The following OCA2 variants were observed in gnomAD, a reference collection of about 807,000 sequenced individuals.
OCA2 encodes the protein OCA2 melanosomal transmembrane protein, also known as P protein.
OCA2 carries 77 observed loss-of-function variants against 100.2 expected under a neutral mutation model. The ratio of observed to expected loss-of-function variants is 0.77; its 90% CI spans 0.64 to 0.93. The LOEUF (loss-of-function observed/expected upper bound fraction) is 0.93, where lower values mean the gene tolerates loss of function less well. Among genes scored for constraint, OCA2 ranks in the 40% least tolerant of loss-of-function variants. The pLI is 0.00. For synonymous variants in OCA2, 432 were observed against 439.2 expected (o/e 0.98, Z 0.21); for missense variants, 1,062 against 1,089.1 (o/e 0.98, Z 0.35).
intron 21 of OCA2, among the ~76,000 whole-genome samples, chr15:27,868,381 C>T (rs2036408659): frequency 1.3e-5 from 2 of 152,092 alleles, no homozygotes; most frequent in Non-Finnish European, 1.5e-5. Flanking sequence ...AAAGGTGATT[C>T]GGACTTAAAA....
At chr15:27,955,245 TC>T (rs761894559) in intron 16 of OCA2, 30 bp from the exon 17 acceptor site, 2 of 1,539,098 alleles carry the variant, frequency 1.3e-6, no homozygotes, top group African/African-American at 2.7e-5. Flanking sequence ...ACTCATTACT[TC>T]CCTGGTCACG....
At chr15:27,902,513 T>G (rs1289785034) in intron 19 of OCA2, among the ~76,000 whole-genome samples, 2 of 152,228 alleles carry the variant, frequency 1.3e-5, no homozygotes, top group Non-Finnish European at 2.9e-5. Context: ...TTCAGTTAAC[T>G]TAAAAATAAA....
At chr15:27,913,192 TAA>T (rs2038462556) in intron 19 of OCA2, among the ~76,000 whole-genome samples, 1 of 152,200 alleles carries the variant, frequency 6.6e-6, no homozygotes, top group Admixed American at 6.5e-5. Context: ...GTAGTTTTAG[TAA>T]TATTCTACTA....
At chr15:27,940,168 A>G (rs551831138) in intron 18 of OCA2, among the ~76,000 whole-genome samples, 58 of 152,206 alleles carry the variant, frequency 3.8e-4, no homozygotes, top group African/African-American at 1.3e-3. Context: ...GATTTTAGTC[A>G]CCCCCACTGG....
intron 23 of OCA2, among the ~76,000 whole-genome samples, chr15:27,820,153 A>C (rs979355859): frequency 6.6e-6 from 1 of 152,240 alleles, no homozygotes; most frequent in East Asian, 1.9e-4. Flanking sequence ...TGACTGAATA[A>C]GTAAATGATT....
intron 23 of OCA2, among the ~76,000 whole-genome samples, chr15:27,819,625 G>A (rs191455044): frequency 6.6e-6 from 1 of 152,306 alleles, no homozygotes; most frequent in African/African-American, 2.4e-5. Flanking sequence ...AGGGGTGGAG[G>A]CTAGAATTAT....
intron 23 of OCA2, chr15:27,776,617 C>G (rs80088104): frequency 0.021 from 3,220 of 152,442 alleles, 68 homozygotes; most frequent in Non-Finnish European, 0.035. Flanking sequence ...GCTGAGGCAC[C>G]TGTCCTCTGA....
intron 17 of OCA2, among the ~76,000 whole-genome samples, chr15:27,954,341 G>A (rs759571564): frequency 6.6e-6 from 1 of 152,172 alleles, no homozygotes; most frequent in Non-Finnish European, 1.5e-5. Flanking sequence ...CTTGGGGCCT[G>A]CAAGAGTATC....
chr15:28,071,912 T>C (rs1222162004), intron 2 of OCA2, among the ~76,000 whole-genome samples: 1 of 152,178 alleles, frequency 6.6e-6, no homozygotes, highest in Non-Finnish European at 1.5e-5. Context: ...AATTGACAAG[T>C]GGGACCTAAT....
chr15:27,792,787 A>G (rs538058295), intron 23 of OCA2, among the ~76,000 whole-genome samples: 10 of 152,202 alleles, frequency 6.6e-5, no homozygotes, highest in Non-Finnish European at 1.2e-4. Context: ...TCTGAGTCCC[A>G]TGGCCCAATA....
At chr15:27,784,051 A>G (rs1192672042) in intron 23 of OCA2, among the ~76,000 whole-genome samples, 1 of 152,252 alleles carries the variant, frequency 6.6e-6, no homozygotes. Context: ...TAAGGCTGAA[A>G]GTTAACCAGA....
At chr15:28,097,069 C>T (rs2044999233) in intron 1 of OCA2, among the ~76,000 whole-genome samples, 1 of 152,224 alleles carries the variant, frequency 6.6e-6, no homozygotes, top group South Asian at 2.1e-4. Flanking sequence ...GCCCATCCTG[C>T]AGGCCAGCTT....
the OCA2 span, among the ~76,000 whole-genome samples, chr15:27,743,488 T>C: frequency 3.0e-3 from 452 of 152,242 alleles, 4 homozygotes; most frequent in African/African-American, 0.01. Context: ...AGCCTTCTGG[T>C]GGAATTTTGC....
At chr15:27,815,985 T>C (rs1358345708) in intron 23 of OCA2, among the ~76,000 whole-genome samples, 1 of 151,922 alleles carries the variant, frequency 6.6e-6, no homozygotes, top group East Asian at 1.9e-4. Context: ...TACAAAAAAA[T>C]TAGCCAGGCA....
intron 19 of OCA2, among the ~76,000 whole-genome samples, chr15:27,915,449 G>A (rs1180120753): frequency 1.3e-5 from 2 of 152,106 alleles, no homozygotes; most frequent in Non-Finnish European, 2.9e-5. Flanking sequence ...GAAAATTTTT[G>A]CACACTATGT....
At chr15:28,049,414 A>G (rs2043441011) in intron 2 of OCA2, among the ~76,000 whole-genome samples, 1 of 152,236 alleles carries the variant, frequency 6.6e-6, no homozygotes, top group Non-Finnish European at 1.5e-5. Context: ...ACAGTTTTGC[A>G]GGTTCTCACA....
At chr15:28,056,437 G>T (rs908962442) in intron 2 of OCA2, among the ~76,000 whole-genome samples, 1 of 152,170 alleles carries the variant, frequency 6.6e-6, no homozygotes, top group Non-Finnish European at 1.5e-5. Context: ...GGCTGTCTGG[G>T]ACTCACTGGC....
intron 23 of OCA2, among the ~76,000 whole-genome samples, chr15:27,807,846 A>G (rs1270111927): frequency 6.6e-6 from 1 of 152,198 alleles, no homozygotes; most frequent in African/African-American, 2.4e-5. Flanking sequence ...TTAAGACATA[A>G]AGCAAGGTTC....
At chr15:28,092,941 G>A (rs1452159682) in intron 1 of OCA2, among the ~76,000 whole-genome samples, 2 of 151,908 alleles carry the variant, frequency 1.3e-5, no homozygotes, top group East Asian at 3.9e-4. Context: ...AGGAAGACAA[G>A]GCAAGAATGT....
Sources: allele counts gnomAD v4.1 joint callset (sites outside exome capture counted in the v4.1 genomes callset), GRCh38; gene constraint gnomAD v4.1.1; transcripts MANE v1.5; gene names NCBI Gene and HGNC (gene_info 2026-07-23, HGNC 2026-07-21).